ELAVL2: variants seen among roughly 807,000 people sequenced by gnomAD.
ELAVL2 encodes ELAV-like protein 2.
A neutral mutation model predicts 34.6 loss-of-function variants in ELAVL2; 4 were observed. That is an observed-to-expected ratio of 0.12 (90% CI 0.06 to 0.26). The LOEUF (loss-of-function observed/expected upper bound fraction) is 0.26. ELAVL2 is among the 10% of genes least tolerant of loss of function. The pLI is 1.00. For synonymous variants in ELAVL2, 193 were observed against 154.8 expected (o/e 1.25, Z -1.83); for missense variants, 432 against 442.8 (o/e 0.98, Z 0.22).
chr9:23,769,185 G>C (rs534820608), intron 1 of ELAVL2, among the ~76,000 whole-genome samples: 11 of 152,080 alleles, frequency 7.2e-5, no homozygotes, highest in African/African-American at 2.2e-4. Flanking sequence ...TAAAGTTTTA[G>C]AGCCAAACAT....
At chr9:23,697,832 G>A (rs564009108) in intron 5 of ELAVL2, among the ~76,000 whole-genome samples, 15 of 151,872 alleles carry the variant, frequency 9.9e-5, no homozygotes, top group Non-Finnish European at 2.1e-4. Flanking sequence ...GTTATTGATG[G>A]GTAAGAAAAT....
chr9:23,750,539 T>C (rs909945944), intron 2 of ELAVL2, among the ~76,000 whole-genome samples: 11 of 152,074 alleles, frequency 7.2e-5, no homozygotes, highest in Admixed American at 5.9e-4. Context: ...CTGCACCATA[T>C]AATGGCAAAA....
At chr9:23,759,717 T>C (rs1485193291) in intron 2 of ELAVL2, among the ~76,000 whole-genome samples, 4 of 140,294 alleles carry the variant, frequency 2.9e-5, no homozygotes, top group Non-Finnish European at 6.1e-5. Flanking sequence ...TATAGTAGTG[T>C]ACACGTAATA....
At chr9:23,840,356 C>G in the ELAVL2 span, among the ~76,000 whole-genome samples, 7,828 of 152,172 alleles carry the variant, frequency 0.051, 302 homozygotes, top group Admixed American at 0.12. Context: ...CCCTTTACCT[C>G]AAGAGATTTC....
chr9:23,799,349 C>T (rs781519228), intron 1 of ELAVL2, among the ~76,000 whole-genome samples: 4 of 152,268 alleles, frequency 2.6e-5, no homozygotes, highest in East Asian at 1.9e-4. Flanking sequence ...TTTCCCATCC[C>T]GCATTTTAAG....
At chr9:23,807,944 T>C (rs552890587) in intron 1 of ELAVL2, among the ~76,000 whole-genome samples, 147 of 152,270 alleles carry the variant, frequency 9.7e-4, no homozygotes, top group African/African-American at 3.3e-3. Flanking sequence ...AGAGTAAAAG[T>C]TGCCAAATTA....
At chr9:23,798,805 G>T (rs919482552) in intron 1 of ELAVL2, among the ~76,000 whole-genome samples, 1 of 152,002 alleles carries the variant, frequency 6.6e-6, no homozygotes, top group African/African-American at 2.4e-5. Context: ...GTTTAAAATG[G>T]TTCCCAGGCA....
At chr9:23,696,368 G>C (rs528554492) in intron 5 of ELAVL2, among the ~76,000 whole-genome samples, 33 of 152,316 alleles carry the variant, frequency 2.2e-4, no homozygotes, top group Non-Finnish European at 3.8e-4. Flanking sequence ...ACAGGCAGTT[G>C]TAAGAGAAAA....
At chr9:23,807,427 G>A (rs961486464) in intron 1 of ELAVL2, among the ~76,000 whole-genome samples, 3 of 151,666 alleles carry the variant, frequency 2.0e-5, no homozygotes, top group Non-Finnish European at 2.9e-5. Flanking sequence ...TAGGATTAAG[G>A]AACTCCACAG....
intron 1 of ELAVL2, chr9:23,779,398 T>C (rs1423200558): frequency 6.1e-6 from 6 of 985,224 alleles, no homozygotes; most frequent in African/African-American, 1.7e-5. Context: ...AAACACTGGC[T>C]ATTTATAGCA....
At chr9:23,794,346 C>G (rs919356047) in intron 1 of ELAVL2, among the ~76,000 whole-genome samples, 19 of 152,138 alleles carry the variant, frequency 1.2e-4, no homozygotes, top group African/African-American at 4.3e-4. Context: ...TCAGCTTCCC[C>G]TAAAGAGGGG....
At chr9:23,779,590 C>T (rs935326255) in intron 1 of ELAVL2, among the ~76,000 whole-genome samples, 3 of 151,968 alleles carry the variant, frequency 2.0e-5, no homozygotes, top group Admixed American at 1.3e-4. Context: ...GTGCATTTGA[C>T]AATATCAGAG....
chr9:23,836,014 T>G, the ELAVL2 span, among the ~76,000 whole-genome samples: 1 of 152,300 alleles, frequency 6.6e-6, no homozygotes, highest in South Asian at 2.1e-4. Flanking sequence ...GAAACACATA[T>G]GCATAAACAC....
At chr9:23,802,808 A>G (rs2061729298) in intron 1 of ELAVL2, among the ~76,000 whole-genome samples, 1 of 152,254 alleles carries the variant, frequency 6.6e-6, no homozygotes, top group Non-Finnish European at 1.5e-5. Flanking sequence ...CGTTAAAGAA[A>G]TGTAAAATGT....
chr9:23,727,358 T>C (rs12353389), intron 3 of ELAVL2, among the ~76,000 whole-genome samples: 2 of 152,086 alleles, frequency 1.3e-5, no homozygotes, highest in Non-Finnish European at 2.9e-5. Flanking sequence ...TGTTTTTTTA[T>C]AAGCAAAGGC....
chr9:23,757,242 T>C (rs1222035366), intron 2 of ELAVL2, among the ~76,000 whole-genome samples: 1 of 152,174 alleles, frequency 6.6e-6, no homozygotes. Flanking sequence ...CGCCAGAAGA[T>C]GCCCTCTGGA....
At chr9:23,752,603 C>G (rs1472468875) in intron 2 of ELAVL2, among the ~76,000 whole-genome samples, 1 of 151,974 alleles carries the variant, frequency 6.6e-6, no homozygotes, top group African/African-American at 2.4e-5. Context: ...TACAGGCACC[C>G]AGCACCAAGT....
intron 2 of ELAVL2, among the ~76,000 whole-genome samples, chr9:23,751,631 G>A (rs768300582): frequency 2.4e-4 from 36 of 151,954 alleles, no homozygotes; most frequent in Middle Eastern, 3.2e-3. Flanking sequence ...TATATTAAAC[G>A]GATACTCATC....
intron 1 of ELAVL2, among the ~76,000 whole-genome samples, chr9:23,815,542 C>A (rs1181618774): frequency 1.3e-5 from 2 of 152,094 alleles, no homozygotes; most frequent in East Asian, 3.9e-4. Context: ...CAAGCAGTAA[C>A]CACCTACTAC....
Sources: gnomAD v4.1 joint callset for allele counts (sites outside exome capture counted in the v4.1 genomes callset) on GRCh38, gnomAD v4.1.1 for gene constraint, MANE v1.5 for transcripts, NCBI Gene and HGNC (gene_info 2026-07-23, HGNC 2026-07-21) for gene names.